The following GRIK3 variants were observed in gnomAD, a reference collection of about 807,000 sequenced individuals.
The protein encoded by GRIK3 is glutamate ionotropic receptor kainate type subunit 3, also known as glutamate receptor ionotropic, kainate 3.
A neutral mutation model predicts 102.5 loss-of-function variants in GRIK3; 29 were observed. That is an observed-to-expected ratio of 0.28 (90% confidence interval 0.21 to 0.39). The LOEUF is 0.39. GRIK3 is among the 10% of genes least tolerant of loss of function. GRIK3 has a pLI of 1.00. For synonymous variants in GRIK3, 511 were observed against 504.9 expected (o/e 1.01, Z -0.16); for missense variants, 908 against 1,252.4 (o/e 0.73, Z 4.15).
Position 36,801,824 on chromosome 1 carries a change from G to A in GRIK3, c.*27C>T, listed in dbSNP as rs1642443296. ...TTTGCTTTCCTCTGCCCAGCCCCCA[G>A]GCCTGAGGTCCCCACCCCAGCTGTG... On this transcript the variant is annotated 3_prime_UTR_variant, in exon 16 of 16. Transcript: ENST00000373091. The A allele has an allele frequency of 6.4e-7, 1 of 1,564,250 alleles. No homozygotes were observed. The highest frequency in any genetic ancestry group is 1.4e-5 in the African/African-American group (1 of 73,996).
At chr1:37,011,839 G>A (rs924778561) in intron 1 of GRIK3, among the ~76,000 whole-genome samples, 2 of 152,186 alleles carry the variant, frequency 1.3e-5, no homozygotes, top group Admixed American at 1.3e-4. Context: ...GCAAGGCTAC[G>A]AATGATGGGT....
chr1:36,863,261 C>A (rs1200944166), intron 5 of GRIK3, among the ~76,000 whole-genome samples: 1 of 152,142 alleles, frequency 6.6e-6, no homozygotes, highest in Non-Finnish European at 1.5e-5. Context: ...TACCGAGAGG[C>A]TCTACCTGCC....
intron 1 of GRIK3, among the ~76,000 whole-genome samples, chr1:36,953,001 G>A (rs1301116423): frequency 6.6e-6 from 1 of 152,210 alleles, no homozygotes; most frequent in Admixed American, 6.5e-5. Context: ...TGTGTCCTCC[G>A]AAGGGCTCTG....
chr1:36,942,939 C>T (rs1641743729), intron 1 of GRIK3, among the ~76,000 whole-genome samples: 1 of 152,140 alleles, frequency 6.6e-6, no homozygotes, highest in Non-Finnish European at 1.5e-5. Context: ...AGACTCCCCC[C>T]ACCTTCAGAT....
At chr1:36,879,971 T>C (rs1570776090) in intron 3 of GRIK3, among the ~76,000 whole-genome samples, 1 of 152,068 alleles carries the variant, frequency 6.6e-6, no homozygotes, top group South Asian at 2.1e-4. Context: ...CACGTGCAGG[T>C]GTCTGTGTGT....
intron 13 of GRIK3, among the ~76,000 whole-genome samples, chr1:36,813,719 G>A (rs932804388): frequency 6.6e-6 from 1 of 151,724 alleles, no homozygotes; most frequent in South Asian, 2.1e-4. Flanking sequence ...TGACAAGGCA[G>A]GGAATTGGTT....
chr1:36,913,714 ACAGCAGGGCC>A (rs1415366577), intron 1 of GRIK3, among the ~76,000 whole-genome samples: 9 of 152,066 alleles, frequency 5.9e-5, no homozygotes, highest in Non-Finnish European at 4.4e-5. Flanking sequence ...ACCCCCAATC[ACAGCAGGGCC>A]TTTGGCTTTC....
chr1:36,957,269 A>G (rs1247846099), intron 1 of GRIK3, among the ~76,000 whole-genome samples: 1 of 101,186 alleles, frequency 9.9e-6, no homozygotes, highest in East Asian at 3.0e-4. Context: ...CTGTGAGCCT[A>G]CCTGTTCTGT....
At chr1:36,914,198 C>T (rs1419071264) in intron 1 of GRIK3, among the ~76,000 whole-genome samples, 1 of 152,222 alleles carries the variant, frequency 6.6e-6, no homozygotes, top group Non-Finnish European at 1.5e-5. Flanking sequence ...CTCTTCTCAC[C>T]TCAGCTCAGC....
At chr1:37,022,397 CAGG>C (rs1642724696) in intron 1 of GRIK3, among the ~76,000 whole-genome samples, 1 of 152,176 alleles carries the variant, frequency 6.6e-6, no homozygotes, top group Admixed American at 6.5e-5. Flanking sequence ...TCAGAAAAGG[CAGG>C]AGGACTGTGA....
chr1:36,898,149 G>A (rs908244149), intron 1 of GRIK3, among the ~76,000 whole-genome samples: 2 of 152,000 alleles, frequency 1.3e-5, no homozygotes, highest in Non-Finnish European at 2.9e-5. Context: ...GGCTGGGTGG[G>A]GGGAGGTGGG....
intron 10 of GRIK3, among the ~76,000 whole-genome samples, chr1:36,834,818 G>A (rs1640352761): frequency 6.6e-6 from 1 of 152,076 alleles, no homozygotes; most frequent in Admixed American, 6.5e-5. Context: ...CAGTGCTCCG[G>A]GACTCCACGC....
chr1:36,997,198 T>G (rs574725779), intron 1 of GRIK3, among the ~76,000 whole-genome samples: 1 of 152,086 alleles, frequency 6.6e-6, no homozygotes, highest in South Asian at 2.1e-4. Flanking sequence ...AGTAGACAAA[T>G]GTCAGCGGCA....
intron 13 of GRIK3, among the ~76,000 whole-genome samples, chr1:36,815,293 G>A (rs1642614353): frequency 6.6e-6 from 1 of 152,194 alleles, no homozygotes; most frequent in South Asian, 2.1e-4. Context: ...CAACCTCAAG[G>A]AGGGACATGG....
chr1:36,962,734 G>A (rs1642027655), intron 1 of GRIK3, among the ~76,000 whole-genome samples: 1 of 151,838 alleles, frequency 6.6e-6, no homozygotes, highest in Non-Finnish European at 1.5e-5. Context: ...ACCAAGCCAG[G>A]TGGATAAAGA....
rs75264822 is a variant in GRIK3, at chr1:37,016,398, G to A, written c.115+17596C>T. Among the ~76,000 whole-genome samples the A allele has an allele frequency of 8.7e-3, 1,317 of 152,230 alleles. 20 individuals carry two copies. The highest frequency in any genetic ancestry group is 0.03 in the African/African-American group (1,238 of 41,524). The stretch of plus-strand genomic sequence containing the variant: ...TTAGGGTTAAATGAGCTCAGAAAAG[G>A]GCTCAATAAACAATTGCTGTTATCA... On this transcript the variant is annotated intron_variant, in intron 1 of 15. Transcript: ENST00000373091.
chr1:36,838,682 G>A (rs1570752929), intron 10 of GRIK3, among the ~76,000 whole-genome samples: 1 of 152,240 alleles, frequency 6.6e-6, no homozygotes, highest in South Asian at 2.1e-4. Flanking sequence ...AATGGGCCCC[G>A]GGGGGTGGAC....
At chr1:36,824,791 G>A (rs1008863430) in intron 11 of GRIK3, among the ~76,000 whole-genome samples, 8 of 152,220 alleles carry the variant, frequency 5.3e-5, no homozygotes, top group Admixed American at 2.0e-4. Context: ...ACCACCGGAC[G>A]GAGATGTGGG....
At chr1:36,981,954 G>C (rs980854973) in intron 1 of GRIK3, among the ~76,000 whole-genome samples, 1 of 152,190 alleles carries the variant, frequency 6.6e-6, no homozygotes, top group Non-Finnish European at 1.5e-5. Flanking sequence ...GTGTGCAAAG[G>C]AACATGAGCT....
Sources: allele counts gnomAD v4.1 joint callset (sites outside exome capture counted in the v4.1 genomes callset), GRCh38; gene constraint gnomAD v4.1.1; transcripts MANE v1.5; gene names NCBI Gene and HGNC (gene_info 2026-07-23, HGNC 2026-07-21).